Variants in PSEN2 observed in about 807,000 individuals in gnomAD.
PSEN2 encodes the protein presenilin-2.
A neutral mutation model predicts 49.1 loss-of-function variants in PSEN2; 32 were observed. The observed-to-expected ratio is 0.65, with a 90% CI of 0.49 to 0.88. PSEN2 has a LOEUF of 0.88. PSEN2 is among the 40% of genes least tolerant of loss of function. The probability of loss-of-function intolerance (pLI) is 0.00; values close to 1 mark genes in which losing one functional copy is unlikely to be tolerated. For missense variants in PSEN2, 522 were observed against 586.9 expected, an observed-to-expected ratio of 0.89 and a Z score of 1.14; for synonymous variants, 255 against 244.0, an observed-to-expected ratio of 1.05 and a Z score of -0.42.
intron 11 of PSEN2, 48 bp downstream of exon 11, chr1:226,891,892 G>T: frequency 6.5e-7 from 1 of 1,544,474 alleles, no homozygotes. Flanking sequence ...CGGCGGGAGC[G>T]GAGACAGAGG....
chr1:226,896,283 G>A (rs1469022904), downstream of PSEN2, among the ~76,000 whole-genome samples: 2 of 152,322 alleles, frequency 1.3e-5, no homozygotes, highest in Non-Finnish European at 2.9e-5. Context: ...AGTTAGGAGA[G>A]CAGGGTGGCC....
At chr1:226,881,340 C>G (rs1660975587) in intron 3 of PSEN2, among the ~76,000 whole-genome samples, 1 of 152,224 alleles carries the variant, frequency 6.6e-6, no homozygotes, top group Admixed American at 6.5e-5. Context: ...ATTGTGCCTT[C>G]TGCCCTTCCC....
intron 3 of PSEN2, chr1:226,880,545 A>AGACAGCGATCACTCAGCCTCTG (rs1423439902): frequency 0.28 from 310,034 of 1,098,242 alleles, 121,173 homozygotes; most frequent in East Asian, 0.61. Context: ...GCCTCTGGAC[A>AGACAGCGATCACTCAGCCTCTG]GACAGCGATC....
At position 226,903,186 on chromosome 1, in the gene PSEN2, T is replaced by G. The variant is rs552524997; in HGVS notation, c.1192-5336T>G. 8.5e-5 allele frequency among the ~76,000 whole-genome samples: 13 copies of G among 152,326 alleles called. No homozygotes were observed. The South Asian group carries it at 2.7e-3, about 32-fold the overall frequency. ...GTCTCGATTTTGAAATACTTTCTTC[T>G]CCAAGCCTTTCATGACACCCTGTCT... is the stretch of plus-strand genomic sequence containing the variant. On this transcript the variant is annotated intron_variant, in intron 12 of 14. Coordinates refer to the PSEN2 transcript ENST00000676945.
At chr1:226,881,818 A>G in intron 3 of PSEN2, 70 bp from the exon 4 acceptor site, 1 of 1,593,898 alleles carries the variant, frequency 6.3e-7, no homozygotes, top group Non-Finnish European at 8.6e-7. Context: ...GCCTCCAGCC[A>G]CCCCCTGAGT....
intron 3 of PSEN2, among the ~76,000 whole-genome samples, chr1:226,878,611 C>T (rs1266632551): frequency 1.3e-5 from 2 of 152,208 alleles, no homozygotes; most frequent in African/African-American, 4.8e-5. Context: ...TGCCCTCTGT[C>T]ATTGGAGGCT....
chr1:226,881,790 T>C (rs865964548), intron 3 of PSEN2, 98 bp from the exon 4 acceptor site: 4 of 1,336,508 alleles, frequency 3.0e-6, no homozygotes, highest in Admixed American at 1.7e-5. Flanking sequence ...GCAGGACTTG[T>C]GTCCAAGTCT....
Position 226,883,769 on chromosome 1 carries a change from C to T in PSEN2, c.206C>T (p.Pro69Leu). 6.2e-7 allele frequency: 1 copy of T among 1,614,140 alleles called. No homozygotes were observed. Among genetic ancestry groups the T allele is most frequent in the East Asian group, 2.2e-5 (1 of 44,888 alleles). ...GACCGCTATGTCTGTAGTGGGGTTC[C>T]CGGGCGGCCGCCAGGCCTGGAGGAA... ...DPDRYVCSGV[P>L]GRPPGLEEEL... Residue 69 changes from proline to leucine, a missense_variant, in exon 5 of 13, where the codon CCC (proline) becomes CTC (leucine). Pro to Leu is a moderately conservative substitution (Grantham distance 98, BLOSUM62 -3). Transcript: ENST00000366783.
Position 226,872,213 on chromosome 1 carries a change from C to T in PSEN2, c.-207+809C>T, listed in dbSNP as rs575765554. Among the ~76,000 whole-genome samples, 28 of 152,330 alleles carry T rather than the reference C, an allele frequency of 1.8e-4. 1 individual carries two copies. In the South Asian group the frequency reaches 5.6e-3, roughly 30 times the overall value. On this transcript the variant is annotated intron_variant, in intron 2 of 12. Transcript: ENST00000366783. ...CCCCTCCGTAGCTGCTCACCGTCCC[C>T]CCAAGGGGGGTTTGCCTCTTGCCTA...
At chr1:226,896,280 A>G (rs943740925), downstream of PSEN2, among the ~76,000 whole-genome samples, 1 of 152,210 alleles carries the variant, frequency 6.6e-6, no homozygotes, top group African/African-American at 2.4e-5. Context: ...AGGAGTTAGG[A>G]GAGCAGGGTG....
chr1:226,885,442 C>T (rs1001155429), intron 5 of PSEN2, 96 bp from the exon 6 acceptor site: 7 of 1,446,202 alleles, frequency 4.8e-6, no homozygotes, highest in African/African-American at 1.4e-5. Flanking sequence ...ATGGGCATCC[C>T]AGGCACCTCC....
chr1:226,880,740 C>A (rs1660934267), intron 3 of PSEN2: 4 of 1,611,558 alleles, frequency 2.5e-6, no homozygotes, highest in Middle Eastern at 1.7e-4. Flanking sequence ...CTGGGTCCCC[C>A]ACTTGGTACT....
At chr1:226,891,019 C>A in intron 9 of PSEN2, 1 of 535,406 alleles carries the variant, frequency 1.9e-6, no homozygotes, top group Admixed American at 3.2e-5. Context: ...CACCCGTGAA[C>A]TGTGAGGTCT....
chr1:226,873,061 C>T lies in PSEN2; in HGVS notation c.-207+1657C>T, dbSNP rs532490879. On this transcript the variant is annotated intron_variant, in intron 2 of 12. Coordinates refer to ENST00000366783, the MANE Select transcript of PSEN2 (RefSeq NM_000447.3). The stretch of plus-strand genomic sequence containing the variant: ...GCGTGGTGGCACATGCCTGTAATCC[C>T]AGCTACTCAGGAGGCTGAGGCAGGA... 6.6e-5 allele frequency among the ~76,000 whole-genome samples: 10 copies of T among 152,192 alleles called. No individual in the cohort carries two copies. The South Asian group carries it at 2.1e-3, about 32-fold the overall frequency.
chr1:226,883,636 A>G lies in PSEN2; in HGVS notation c.142-69A>G, dbSNP rs879236659. On this transcript the variant is annotated intron_variant, in intron 4 of 12. Coordinates refer to ENST00000366783, the MANE Select transcript of PSEN2 (RefSeq NM_000447.3). ...AAACTTCTCATTTCTGGTTCCAAAA[A>G]TCCGTGCATTACATGGATAGGCTGC... The G allele has an allele frequency of 2.1e-5, 30 of 1,462,948 alleles. 1 individual carries two copies. The highest frequency in any genetic ancestry group is 2.3e-4 in the Middle Eastern group (1 of 4,392). 90.6% of individuals were successfully genotyped at this position (1,462,948 alleles called of 1,614,324 possible).
In PSEN2 at chr1:226,872,229, C is replaced by T. The variant is rs187632263; in HGVS notation, c.-207+825C>T. Among the ~76,000 whole-genome samples the T allele has an allele frequency of 4.2e-3, 641 of 152,320 alleles. 1 individual carries two copies. The highest frequency in any genetic ancestry group is 4.3e-3 in the Non-Finnish European group (293 of 68,032). ...CACCGTCCCCCCAAGGGGGGTTTGC[C>T]TCTTGCCTACTTTGGCCTTTCTCTG... On this transcript the variant is annotated intron_variant, in intron 2 of 12. Coordinates refer to ENST00000366783, the MANE Select transcript of PSEN2 (RefSeq NM_000447.3).
At chr1:226,892,633 C>G (rs780397598) in intron 11 of PSEN2, among the ~76,000 whole-genome samples, 1 of 152,168 alleles carries the variant, frequency 6.6e-6, no homozygotes, top group Non-Finnish European at 1.5e-5. Context: ...AGGGAAAGAT[C>G]ACTCTGCGGT....
intron 6 of PSEN2, among the ~76,000 whole-genome samples, chr1:226,887,043 T>A (rs1661407569): frequency 1.3e-5 from 2 of 152,174 alleles, no homozygotes; most frequent in African/African-American, 4.8e-5. Flanking sequence ...GGTGGAGGGC[T>A]GCTGGTTTGG....
chr1:226,890,367 G>A (rs543275191), intron 9 of PSEN2, among the ~76,000 whole-genome samples: 25 of 152,346 alleles, frequency 1.6e-4, no homozygotes, highest in Non-Finnish European at 2.5e-4. Context: ...ACTTCATCCC[G>A]TCCATCCTCC....
Sources: allele counts gnomAD v4.1 joint callset (sites outside exome capture counted in the v4.1 genomes callset), GRCh38; gene constraint gnomAD v4.1.1; transcripts MANE v1.5; gene names NCBI Gene and HGNC (gene_info 2026-07-23, HGNC 2026-07-21).